The following FAM168A variants were observed in gnomAD, a reference collection of about 807,000 sequenced individuals.
FAM168A encodes family with sequence similarity 168 member A.
Under a neutral mutation model 28.5 loss-of-function variants are expected in FAM168A, and 3 were observed. The observed-to-expected ratio is 0.11, with a 90% CI of 0.05 to 0.27. The LOEUF (loss-of-function observed/expected upper bound fraction) is 0.27, where lower values mean the gene tolerates loss of function less well. Among genes scored for constraint, FAM168A ranks in the 10% least tolerant of loss-of-function variants. FAM168A has a pLI of 1.00. For missense variants in FAM168A, 222 were observed against 311.5 expected (o/e 0.71, Z 2.16); for synonymous variants, 122 against 124.2 (o/e 0.98, Z 0.12).
chr11:73,430,662 C>A (rs373644025), intron 3 of FAM168A, 28 bp downstream of exon 3: 7 of 1,600,448 alleles, frequency 4.4e-6, no homozygotes, highest in African/African-American at 1.3e-5. Flanking sequence ...CCACTCCATT[C>A]GCCACTGCTG....
intron 2 of FAM168A, among the ~76,000 whole-genome samples, chr11:73,458,307 T>C (rs775507872): frequency 2.6e-5 from 4 of 152,212 alleles, no homozygotes; most frequent in Non-Finnish European, 5.9e-5. Flanking sequence ...GGGAAATCAT[T>C]TTGTAACCCA....
chr11:73,528,059 CA>C (rs1278738374), intron 1 of FAM168A, among the ~76,000 whole-genome samples: 1 of 152,196 alleles, frequency 6.6e-6, no homozygotes, highest in Non-Finnish European at 1.5e-5. Flanking sequence ...TGTAGCCATG[CA>C]GTGGATAATC....
chr11:73,582,501 GA>G (rs913740860), intron 1 of FAM168A, among the ~76,000 whole-genome samples: 5 of 147,918 alleles, frequency 3.4e-5, no homozygotes, highest in Admixed American at 1.3e-4. Flanking sequence ...CCAGCCTGGG[GA>G]AAAAAAAAAT....
At chr11:73,439,284 C>T (rs1342715178) in intron 2 of FAM168A, among the ~76,000 whole-genome samples, 1 of 152,154 alleles carries the variant, frequency 6.6e-6, no homozygotes, top group Non-Finnish European at 1.5e-5. Flanking sequence ...TAGGGCAAGG[C>T]AGCTCCTCCT....
intron 1 of FAM168A, among the ~76,000 whole-genome samples, chr11:73,582,461 T>C (rs975510556): frequency 6.6e-6 from 1 of 151,998 alleles, no homozygotes; most frequent in African/African-American, 2.4e-5. Context: ...AGGCGGAGCT[T>C]GCAGTGAGTC....
chr11:73,529,867 A>C (rs1943494748), intron 1 of FAM168A, among the ~76,000 whole-genome samples: 1 of 145,736 alleles, frequency 6.9e-6, no homozygotes, highest in Non-Finnish European at 1.5e-5. Context: ...GCTCACTGAA[A>C]CCTCCACCTC....
intron 1 of FAM168A, among the ~76,000 whole-genome samples, chr11:73,545,038 A>ATAATATATTATATATATATATTTT (rs1565292048): frequency 3.5e-5 from 3 of 86,934 alleles, no homozygotes; most frequent in African/African-American, 1.8e-4. Flanking sequence ...ATATATATAT[A>ATAATATATTATATATATATATTTT]TTTTTTGGAG....
intron 1 of FAM168A, among the ~76,000 whole-genome samples, chr11:73,586,231 T>A (rs1400466549): frequency 6.6e-6 from 1 of 152,182 alleles, no homozygotes; most frequent in Non-Finnish European, 1.5e-5. Flanking sequence ...TATTGGCTGA[T>A]GGGCCTGCAT....
At chr11:73,443,929 G>A (rs1019834883) in intron 2 of FAM168A, among the ~76,000 whole-genome samples, 1 of 152,154 alleles carries the variant, frequency 6.6e-6, no homozygotes, top group African/African-American at 2.4e-5. Flanking sequence ...TAAGTTCAGA[G>A]CAAGCCCTAA....
At chr11:73,582,037 G>A (rs7948630) in intron 1 of FAM168A, among the ~76,000 whole-genome samples, 47,601 of 151,796 alleles carry the variant, frequency 0.31, 9,922 homozygotes, top group African/African-American at 0.6. Flanking sequence ...TTTATACCTT[G>A]TCTCTATTGC....
chr11:73,547,574 G>A (rs1318882902), intron 1 of FAM168A, among the ~76,000 whole-genome samples: 1 of 152,020 alleles, frequency 6.6e-6, no homozygotes, highest in Non-Finnish European at 1.5e-5. Flanking sequence ...AGGCAGGAGG[G>A]TCGCTTGAGC....
At chr11:73,582,830 G>T (rs1466788577) in intron 1 of FAM168A, among the ~76,000 whole-genome samples, 1 of 152,118 alleles carries the variant, frequency 6.6e-6, no homozygotes, top group African/African-American at 2.4e-5. Context: ...GAGATTCCAG[G>T]GATCCGTCAT....
At chr11:73,429,542 TC>T (rs1278858570) in intron 3 of FAM168A, among the ~76,000 whole-genome samples, 7 of 152,210 alleles carry the variant, frequency 4.6e-5, no homozygotes. Context: ...ACTTCTACGT[TC>T]CTCACAGTGT....
intron 1 of FAM168A, among the ~76,000 whole-genome samples, chr11:73,523,474 A>C (rs1350912962): frequency 2.6e-5 from 4 of 152,068 alleles, no homozygotes; most frequent in Non-Finnish European, 5.9e-5. Context: ...CATTTGATTA[A>C]AGCTAATAGA....
chr11:73,550,897 G>A (rs1050916816), intron 1 of FAM168A, among the ~76,000 whole-genome samples: 3 of 152,208 alleles, frequency 2.0e-5, no homozygotes, highest in African/African-American at 7.2e-5. Context: ...TCACAAGTCA[G>A]GAGATCAAGA....
chr11:73,433,735 T>C lies in FAM168A; in HGVS notation c.71-2965A>G, dbSNP rs1867038436. On this transcript the variant is annotated intron_variant, in intron 2 of 7. Coordinates refer to ENST00000356467, the MANE Select transcript of FAM168A (RefSeq NM_015159.3). The stretch of plus-strand genomic sequence containing the variant: ...CTGTTTTAGTTGTTTGAAAATTTCA[T>C]TTTTATAATAGCTAACAAACTAAAA... 1.3e-5 allele frequency among the ~76,000 whole-genome samples: 2 copies of C among 152,282 alleles called. 1 individual carries two copies. Among genetic ancestry groups the C allele is most frequent in the South Asian group, 4.1e-4 (2 of 4,826 alleles).
chr11:73,482,897 C>T (rs1867986858), intron 1 of FAM168A, among the ~76,000 whole-genome samples: 1 of 152,112 alleles, frequency 6.6e-6, no homozygotes, highest in South Asian at 2.1e-4. Context: ...AGCCACCACG[C>T]CCGGCTAATT....
Position 73,541,593 on chromosome 11 carries a change from G to T in FAM168A, c.-19+56330C>A, listed in dbSNP as rs144449411. Among the ~76,000 whole-genome samples, 650 of 151,898 alleles carry T rather than the reference G, an allele frequency of 4.3e-3. 11 individuals are homozygous for T. The East Asian group carries it at 0.051, about 12-fold the overall frequency. On this transcript the variant is annotated intron_variant, in intron 1 of 7. Coordinates refer to ENST00000356467, the MANE Select transcript of FAM168A (RefSeq NM_015159.3). ...TCACCACATTAGCCAAGATGGTCTC[G>T]ATCTCCTGACTTGTGATCCGCCCAC... is the stretch of plus-strand genomic sequence containing the variant.
intron 1 of FAM168A, among the ~76,000 whole-genome samples, chr11:73,514,990 A>G (rs1439503779): frequency 6.6e-6 from 1 of 152,196 alleles, no homozygotes; most frequent in Non-Finnish European, 1.5e-5. Context: ...CTACCCATGG[A>G]CCAGTGGGAA....
Sources: allele counts gnomAD v4.1 joint callset (sites outside exome capture counted in the v4.1 genomes callset), GRCh38; gene constraint gnomAD v4.1.1; transcripts MANE v1.5; gene names NCBI Gene and HGNC (gene_info 2026-07-23, HGNC 2026-07-21).